The following ATR variants were observed in gnomAD, a reference collection of about 807,000 sequenced individuals.
ATR encodes ATR checkpoint kinase.
A neutral mutation model predicts 305.3 loss-of-function variants in ATR; 142 were observed. The observed-to-expected ratio is 0.47, with a 90% confidence interval of 0.41 to 0.53. The LOEUF (loss-of-function observed/expected upper bound fraction) is 0.53. ATR is among the 20% of genes least tolerant of loss of function. The pLI is 0.00. For synonymous variants in ATR, 1,050 were observed against 1,068.1 expected (o/e 0.98, Z 0.33); for missense variants, 2,135 against 3,133.1 (o/e 0.68, Z 7.60).
chr3:142,484,886 G>A (rs1184264852), intron 36 of ATR, among the ~76,000 whole-genome samples: 2 of 152,186 alleles, frequency 1.3e-5, no homozygotes, highest in African/African-American at 4.8e-5. Flanking sequence ...CTGTGTTGGT[G>A]TGAGAGCAGA....
intron 21 of ATR, among the ~76,000 whole-genome samples, chr3:142,529,285 T>G (rs2033545047): frequency 6.6e-6 from 1 of 152,082 alleles, no homozygotes. Flanking sequence ...ACACTCCCTC[T>G]TTTCCTTATT....
At chr3:142,575,468 CAAA>C (rs72100236) in intron 1 of ATR, among the ~76,000 whole-genome samples, 22,544 of 121,932 alleles carry the variant, frequency 0.18, 1,918 homozygotes, top group Admixed American at 0.24. Flanking sequence ...GACTCCGTCT[CAAA>C]AAAAAAAAAA....
chr3:142,466,528 A>G lies in ATR; in HGVS notation c.6693T>C (p.Asp2231=). 6.2e-7 allele frequency: 1 copy of G among 1,612,720 alleles called. No individual in the cohort carries two copies. The highest frequency in any genetic ancestry group is 2.2e-5 in the East Asian group (1 of 44,818). The part of the protein sequence containing the change: ...KLLELCNKPV[D]GSSSTLSMST... ...TCATGCTTAATGTGGAACTACTTCC[A>G]TCAACCTGAAAAAATAAATAGTGCA... The change falls in exon 40 of 47, where the codon GAT becomes GAC. Residue 2231 remains aspartate (D), a synonymous_variant. Transcript: ENST00000350721.
rs376469111 is a variant in ATR at position 142,508,116 on chromosome 3, C to G, written c.4853-7G>C. On this transcript the variant is annotated splice_polypyrimidine_tract_variant and splice_region_variant and intron_variant, in intron 27 of 46. Coordinates refer to ENST00000350721, the MANE Select transcript of ATR (RefSeq NM_001184.4). ...TCATAATCCACAGTAGATACTAGAT[C>G]ATAAAAAAAGTTGAGTAATTAAAGA... 4.4e-6 allele frequency: 7 copies of G among 1,601,684 alleles called. No individual in the cohort carries two copies. Among genetic ancestry groups the G allele is most frequent in the Non-Finnish European group, 6.0e-6 (7 of 1,174,686 alleles).
Position 142,497,120 on chromosome 3 carries a change from T to C in ATR, c.5631A>G (p.Gln1877=), listed in dbSNP as rs2031695121. 2.5e-6 allele frequency: 4 copies of C among 1,614,094 alleles called. No homozygotes were observed. The highest frequency in any genetic ancestry group is 1.7e-5 in the Admixed American group (1 of 60,014). Residue 1877 remains glutamine, a synonymous_variant, in exon 33 of 47, where the codon CAA becomes CAG. Transcript: ENST00000350721. ...GAGCTACCCAGTTTAGAGAATCTTC[T>C]TGAGAACTGTCACCTGGAGAATGCT... ...LFQHSPGDSS[Q]EDSLNWVARL...
At chr3:142,575,387 G>A (rs1577725785) in intron 1 of ATR, among the ~76,000 whole-genome samples, 1 of 150,698 alleles carries the variant, frequency 6.6e-6, no homozygotes, top group Non-Finnish European at 1.5e-5. Flanking sequence ...GGGAGGCTGA[G>A]ACAGGAAAAT....
rs1422842331 is a variant in ATR, at chr3:142,498,763, T to C, written c.5392A>G (p.Thr1798Ala). Reference sequence around the variant, plus strand: ...TGTCCCAGTCTGACACTCCATGTTGTAGATTTTCCATCTGAAAAACAAATG... The same window carrying C: ...TGTCCCAGTCTGACACTCCATGTTGCAGATTTTCCATCTGAAAAACAAATG... The part of the protein sequence containing the change: ...ENYLAADGKS[T>A]TWSVRLGQLL... Residue 1798 changes from threonine (T) to alanine (A), a missense_variant, in exon 32 of 47, where the codon ACA (threonine) becomes GCA (alanine). Coordinates refer to ENST00000350721, the MANE Select transcript of ATR (RefSeq NM_001184.4). 5 of 1,614,100 alleles carry C rather than the reference T, an allele frequency of 3.1e-6. No individual in the cohort carries two copies. Among genetic ancestry groups the C allele is most frequent in the African/African-American group, 1.3e-5 (1 of 75,054 alleles).
intron 18 of ATR, 36 bp downstream of exon 18, chr3:142,540,868 A>G (rs1454677904): frequency 1.3e-6 from 2 of 1,556,538 alleles, no homozygotes; most frequent in Non-Finnish European, 1.7e-6. Context: ...AAAATGCAAA[A>G]AAAAAAAAAA....
chr3:142,548,828 G>C (rs187035453), intron 15 of ATR, among the ~76,000 whole-genome samples: 10 of 152,030 alleles, frequency 6.6e-5, no homozygotes, highest in Admixed American at 3.9e-4. Context: ...ATATACAGTC[G>C]AATAATACTT....
At chr3:142,540,378 T>C (rs1272642656) in intron 18 of ATR, among the ~76,000 whole-genome samples, 1 of 152,122 alleles carries the variant, frequency 6.6e-6, no homozygotes, top group Non-Finnish European at 1.5e-5. Flanking sequence ...TACAAACATC[T>C]CTGGTCATAT....
At chr3:142,564,672 C>T (rs1381510016) in intron 3 of ATR, among the ~76,000 whole-genome samples, 1 of 152,150 alleles carries the variant, frequency 6.6e-6, no homozygotes, top group African/African-American at 2.4e-5. Flanking sequence ...AGTACATATA[C>T]ATGCATTTTA....
intron 29 of ATR, among the ~76,000 whole-genome samples, chr3:142,504,675 G>A (rs558322220): frequency 1.3e-5 from 2 of 152,160 alleles, no homozygotes; most frequent in South Asian, 4.2e-4. Flanking sequence ...TGTTGGCCAG[G>A]CTAGTCTCGA....
chr3:142,542,278 C>T (rs558836596), intron 17 of ATR, among the ~76,000 whole-genome samples: 3 of 152,224 alleles, frequency 2.0e-5, no homozygotes, highest in South Asian at 2.1e-4. Context: ...GTTGTGATGA[C>T]GTGAGCTTGA....
intron 30 of ATR, among the ~76,000 whole-genome samples, chr3:142,501,991 C>T (rs764783294): frequency 1.3e-5 from 2 of 152,296 alleles, no homozygotes; most frequent in Middle Eastern, 3.4e-3. Context: ...AAATGATACA[C>T]CCGCCTTGGC....
At chr3:142,556,634 A>T in intron 8 of ATR, 59 bp from the exon 9 acceptor site, 1 of 1,394,102 alleles carries the variant, frequency 7.2e-7, no homozygotes, top group Non-Finnish European at 1.0e-6. Context: ...ATGTATACAC[A>T]TATACATATA....
Position 142,457,775 on chromosome 3 carries a change from A to T in ATR, c.7504-20T>A. 1 of 1,612,256 alleles carries T rather than the reference A, an allele frequency of 6.2e-7. No individual in the cohort carries two copies. Among genetic ancestry groups the T allele is most frequent in the Non-Finnish European group, 8.5e-7 (1 of 1,178,624 alleles). On this transcript the variant is annotated intron_variant, in intron 44 of 46. Transcript: ENST00000350721. ...TTCTCCCTTAGAAACAATACATTTTATTACAAACTAACAATGTTAGAATTT... is the reference window on the plus strand; with the variant it reads ...TTCTCCCTTAGAAACAATACATTTTTTTACAAACTAACAATGTTAGAATTT...
At chr3:142,502,732 C>G (rs1486663219) in intron 30 of ATR, among the ~76,000 whole-genome samples, 1 of 152,058 alleles carries the variant, frequency 6.6e-6, no homozygotes, top group Non-Finnish European at 1.5e-5. Context: ...ATTTTACTGC[C>G]CAGAATAGCC....
At chr3:142,549,011 A>AT (rs1435735059) in intron 15 of ATR, among the ~76,000 whole-genome samples, 1 of 152,092 alleles carries the variant, frequency 6.6e-6, no homozygotes, top group African/African-American at 2.4e-5. Flanking sequence ...CCTCAGAGAT[A>AT]TTTTGTTAAT....
In ATR at chr3:142,459,496, A is replaced by C; in HGVS notation, c.7193-113T>G. On this transcript the variant is annotated intron_variant, in intron 42 of 46. Transcript: ENST00000350721. Reference sequence around the variant, plus strand: ...CTACTTTTATTCAAATTGTTATTGAAAAACAAGAATAAAGGAACATTTTTC... The same window carrying C: ...CTACTTTTATTCAAATTGTTATTGACAAACAAGAATAAAGGAACATTTTTC... The C allele has an allele frequency of 2.4e-6, 3 of 1,235,360 alleles. No homozygotes were observed. In the East Asian group the frequency reaches 7.3e-5, roughly 30 times the overall value. The allele number at this position is 1,235,360 out of a possible 1,614,324, so 76.5% of individuals were successfully genotyped here. A position where few individuals can be genotyped will look rare whatever the true frequency, so the allele number is the denominator to read the frequency against.
Sources: gnomAD v4.1 joint callset for allele counts (sites outside exome capture counted in the v4.1 genomes callset) on GRCh38, gnomAD v4.1.1 for gene constraint, MANE v1.5 for transcripts, NCBI Gene and HGNC (gene_info 2026-07-23, HGNC 2026-07-21) for gene names.